The following MYH9 variants were observed in gnomAD, a reference collection of about 807,000 sequenced individuals.
MYH9 encodes the protein myosin-9.
In MYH9, 29 loss-of-function variants were observed where a neutral mutation model predicts 241.9. That is an observed-to-expected ratio of 0.12 (90% CI 0.09 to 0.16). The LOEUF (loss-of-function observed/expected upper bound fraction) is 0.16, where lower values mean the gene tolerates loss of function less well. Among genes scored for constraint, MYH9 ranks in the 10% least tolerant of loss-of-function variants. MYH9 has a pLI of 1.00. For synonymous variants in MYH9, 1,047 were observed against 1,062.6 expected (o/e 0.99, Z 0.29); for missense variants, 1,803 against 2,595.5 (o/e 0.69, Z 6.63).
chr22:36,347,206 G>A (rs907060963), intron 2 of MYH9, among the ~76,000 whole-genome samples: 1 of 151,948 alleles, frequency 6.6e-6, no homozygotes, highest in African/African-American at 2.4e-5. Context: ...CTGCGTTTCT[G>A]CATTTTCTTT....
At position 36,320,522 on chromosome 22, in the gene MYH9, GTC is replaced by G. The variant is rs1471945693; in HGVS notation, c.869-161_869-160del. On this transcript the variant is annotated intron_variant, in intron 8 of 40. Coordinates refer to ENST00000216181, the MANE Select transcript of MYH9 (RefSeq NM_002473.6). The surrounding 1 kb of genome is among the most constrained non-coding windows in gnomAD (Gnocchi z 4.8). The stretch of plus-strand genomic sequence containing the variant: ...CCAGTGACGTTCAGCTTTCCTCAGT[GTC>G]TGAGACTCTGACACTCCCGTCTCCT... Among the ~76,000 whole-genome samples, 1 of 152,194 alleles carries G rather than the reference GTC, an allele frequency of 6.6e-6. No homozygotes were observed. The highest frequency in any genetic ancestry group is 1.5e-5 in the Non-Finnish European group (1 of 68,032).
intron 1 of MYH9, among the ~76,000 whole-genome samples, chr22:36,373,611 A>G (rs2018120913): frequency 6.6e-6 from 1 of 152,148 alleles, no homozygotes; most frequent in South Asian, 2.1e-4. Flanking sequence ...CAACCACACC[A>G]GAGTGAAGTG....
intron 5 of MYH9, among the ~76,000 whole-genome samples, chr22:36,323,529 G>A (rs913406783): frequency 2.6e-5 from 4 of 152,198 alleles, no homozygotes; most frequent in Non-Finnish European, 5.9e-5. Context: ...AGGGTTTTCC[G>A]GGAACAGCAG....
chr22:36,339,080 T>C (rs2017544388), intron 3 of MYH9, among the ~76,000 whole-genome samples: 1 of 152,216 alleles, frequency 6.6e-6, no homozygotes, highest in Non-Finnish European at 1.5e-5. Context: ...CAAATTTTTG[T>C]TGTTGTTGAA....
Position 36,300,835 on chromosome 22 carries a change from T to A in MYH9, c.2838+16A>T, listed in dbSNP as rs763634412. 1.9e-6 allele frequency: 3 copies of A among 1,599,496 alleles called. No homozygotes were observed. The highest frequency in any genetic ancestry group is 2.5e-6 in the Non-Finnish European group (3 of 1,179,850). Reference sequence around the variant, plus strand: ...CCCTCCGGCGCCACCCCTCCCCGGGTGCAGCGGGCAGGAACCTGGATGTTC... The same window carrying A: ...CCCTCCGGCGCCACCCCTCCCCGGGAGCAGCGGGCAGGAACCTGGATGTTC... On this transcript the variant is annotated intron_variant, in intron 22 of 40. Transcript: ENST00000216181. This position sits in a 1 kb window ranked among gnomAD's most constrained non-coding sequence, Gnocchi z 5.0.
At chr22:36,331,650 C>T (rs1270878337) in intron 3 of MYH9, among the ~76,000 whole-genome samples, 1 of 152,158 alleles carries the variant, frequency 6.6e-6, no homozygotes. Flanking sequence ...GACATCAGCC[C>T]AACAGGAAGT....
Position 36,288,663 on chromosome 22 carries a change from CAG to C in MYH9, c.4770+62_4770+63del. 6.3e-7 allele frequency: 1 copy of C among 1,577,110 alleles called. No homozygotes were observed. The highest frequency in any genetic ancestry group is 1.1e-5 in the South Asian group (1 of 90,482). ...ACACAATCCAGGTGGAAGGAGAGAA[CAG>C]AAGCCTGCGTGAAGCCAAGGCAGCC... On this transcript the variant is annotated intron_variant, in intron 33 of 40. Transcript: ENST00000216181. This position sits in a 1 kb window ranked among gnomAD's most constrained non-coding sequence, Gnocchi z 4.8.
At chr22:36,283,945 AAAGGCAAGG>A in intron 40 of MYH9, 139 bp downstream of exon 40, 1 of 955,778 alleles carries the variant, frequency 1.0e-6, no homozygotes, top group South Asian at 1.3e-5. Context: ...CTAAAGCCTC[AAAGGCAAGG>A]AGCCAGAAGG....
rs1251355109 is a variant in MYH9, at chr22:36,294,281, C to T, written c.3648G>A (p.Glu1216=). ...CGTTCTCCAGAGTCTGCTTTGCCTT[C>T]TCGAGGTTTGCTTTCACCTAGCAGG... ...EQTKRVKANL[E]KAKQTLENER... is the part of the protein sequence containing the mutation. Residue 1216 remains glutamate, a synonymous_variant, in exon 28 of 41, where the codon GAG becomes GAA. Coordinates refer to ENST00000216181, the MANE Select transcript of MYH9 (RefSeq NM_002473.6). The T allele has an allele frequency of 2.5e-6, 4 of 1,613,884 alleles. No homozygotes were observed. In the African/African-American group the frequency reaches 5.3e-5, roughly 22 times the overall value.
chr22:36,293,242 G>A lies in MYH9; in HGVS notation c.4095+87C>T. 2 of 1,566,196 alleles carry A rather than the reference G, an allele frequency of 1.3e-6. No individual in the cohort carries two copies. The highest frequency in any genetic ancestry group is 2.2e-5 in the South Asian group (2 of 89,864). ...GAGCAGCAATGGGCCGGCCCAGCGG[G>A]CAGGGCTGTCCTGCAGTGCCCAGGC... is the stretch of plus-strand genomic sequence containing the variant. On this transcript the variant is annotated intron_variant, in intron 30 of 40. Coordinates refer to ENST00000216181, the MANE Select transcript of MYH9 (RefSeq NM_002473.6). This position sits in a 1 kb window ranked among gnomAD's most constrained non-coding sequence, Gnocchi z 5.1.
intron 1 of MYH9, among the ~76,000 whole-genome samples, chr22:36,369,757 G>A (rs978283241): frequency 6.6e-6 from 1 of 152,230 alleles, no homozygotes; most frequent in Non-Finnish European, 1.5e-5. Context: ...GAAGTGGGAT[G>A]AGAAGGCAGG....
In MYH9 at chr22:36,299,117, G is replaced by A. The variant is rs955274091; in HGVS notation, c.2977-75C>T. The A allele has an allele frequency of 2.9e-5, 47 of 1,600,066 alleles. No homozygotes were observed. The East Asian group carries it at 8.3e-4, about 28-fold the overall frequency. On this transcript the variant is annotated intron_variant, in intron 23 of 40. Transcript: ENST00000216181. ...ACTTGCTAGCCTCAAAGCATGACTC[G>A]CCCGGAAATCTGGGGCTGAATGGAG...
intron 1 of MYH9, among the ~76,000 whole-genome samples, chr22:36,378,275 T>C (rs183116283): frequency 6.6e-6 from 1 of 151,790 alleles, no homozygotes; most frequent in Non-Finnish European, 1.5e-5. Flanking sequence ...CGCTGTCTCA[T>C]AAAAAAAGAA....
intron 3 of MYH9, among the ~76,000 whole-genome samples, chr22:36,340,427 G>A (rs34666233): frequency 0.049 from 7,489 of 151,898 alleles, 258 homozygotes; most frequent in East Asian, 0.085. Context: ...TTGGGAGGCC[G>A]AGGTGGGTGG....
chr22:36,317,775 T>TG (rs1294179285), intron 11 of MYH9, among the ~76,000 whole-genome samples: 1 of 152,228 alleles, frequency 6.6e-6, no homozygotes, highest in African/African-American at 2.4e-5. Flanking sequence ...TCAGCACACG[T>TG]GGCAAGCCCA....
intron 14 of MYH9, among the ~76,000 whole-genome samples, chr22:36,311,361 C>T (rs1449856997): frequency 6.6e-6 from 1 of 152,108 alleles, no homozygotes; most frequent in Non-Finnish European, 1.5e-5. Context: ...TGGCAATTCC[C>T]CGCACCTCCC....
Position 36,301,526 on chromosome 22 carries a change from A to AC in MYH9, c.2631+7dup. On this transcript the variant is annotated splice_region_variant and intron_variant, in intron 21 of 40. Coordinates refer to ENST00000216181, the MANE Select transcript of MYH9 (RefSeq NM_002473.6). ...TGCGACCTGGACTGAGCCTGCACTG[A>AC]CACCCACCTGAGACTGCAGCGTCTC... 4 of 1,612,982 alleles carry AC rather than the reference A, an allele frequency of 2.5e-6. No homozygotes were observed. The highest frequency in any genetic ancestry group is 3.4e-6 in the Non-Finnish European group (4 of 1,180,006).
chr22:36,318,238 T>C lies in MYH9; in HGVS notation c.1196A>G (p.Asp399Gly). 1 of 1,613,764 alleles carries C rather than the reference T, an allele frequency of 6.2e-7. No individual in the cohort carries two copies. Among genetic ancestry groups the C allele is most frequent in the Non-Finnish European group, 8.5e-7 (1 of 1,180,030 alleles). Reference protein sequence around the residue: ...ILTPRIKVGRDYVQKAQTKEQ... With the variant: ...ILTPRIKVGRGYVQKAQTKEQ... ...TTTAGTCTGCGCCTTCTGGACGTAA[T>C]CCCGTCCCACCTTGATGCGCGGGGT... The change falls in exon 11 of 41, where the codon GAT becomes GGT. Residue 399 changes from aspartate to glycine, a missense_variant. Physicochemically the swap from Asp to Gly is moderately conservative, Grantham distance 94 (BLOSUM62 -1). Around this residue, in one of 11 missense-constraint regions of MYH9, gnomAD observed 222 missense variants for 359.9 expected, o/e 0.62. Coordinates refer to ENST00000216181, the MANE Select transcript of MYH9 (RefSeq NM_002473.6).
chr22:36,316,701 G>C (rs528588254), intron 11 of MYH9, 32 bp from the exon 12 acceptor site: 1 of 1,612,572 alleles, frequency 6.2e-7, no homozygotes, highest in Non-Finnish European at 8.5e-7. Flanking sequence ...CGTGGTGTCA[G>C]ATACAAAGGA....
Sources: allele counts gnomAD v4.1 joint callset (sites outside exome capture counted in the v4.1 genomes callset), GRCh38; gene constraint gnomAD v4.1.1; regional missense constraint gnomAD v4.1.1; non-coding constraint Gnocchi (gnomAD v3.1); transcripts MANE v1.5; gene names NCBI Gene and HGNC (gene_info 2026-07-23, HGNC 2026-07-21).